Variants in CEP63 observed in about 807,000 individuals in gnomAD.
The protein encoded by CEP63 is centrosomal protein 63.
Under a neutral mutation model 89.1 loss-of-function variants are expected in CEP63, and 84 were observed. The ratio of observed to expected loss-of-function variants is 0.94; its 90% CI spans 0.79 to 1.13. The LOEUF (loss-of-function observed/expected upper bound fraction) is 1.13. Among genes scored for constraint, CEP63 ranks in the 50% most tolerant of loss-of-function variants. The probability of loss-of-function intolerance (pLI) is 0.00; values close to 1 mark genes in which losing one functional copy is unlikely to be tolerated. For synonymous variants in CEP63, 267 were observed against 272.5 expected (o/e 0.98, Z 0.20); for missense variants, 838 against 813.3 (o/e 1.03, Z -0.37).
intron 14 of CEP63, among the ~76,000 whole-genome samples, chr3:134,559,762 G>A (rs946909326): frequency 2.0e-5 from 3 of 152,210 alleles, no homozygotes; most frequent in African/African-American, 4.8e-5. Flanking sequence ...ATAGTCCTGA[G>A]GCACAGGCAG....
intron 10 of CEP63, among the ~76,000 whole-genome samples, chr3:134,584,778 G>A (rs1958442903): frequency 6.6e-6 from 1 of 152,034 alleles, no homozygotes; most frequent in Admixed American, 6.6e-5. Context: ...TGTACCTCTG[G>A]TTGAATTCGG....
chr3:134,613,249 G>A, the CEP63 span: 12 of 154,308 alleles, frequency 7.8e-5, no homozygotes, highest in South Asian at 4.1e-4. Flanking sequence ...GCCTCCAGGC[G>A]GTGGGGTAAA....
At chr3:134,739,282 GA>G in the CEP63 span, among the ~76,000 whole-genome samples, 1 of 152,136 alleles carries the variant, frequency 6.6e-6, no homozygotes, top group African/African-American at 2.4e-5. Flanking sequence ...GATATCTATA[GA>G]AAAAAGAATT....
chr3:134,767,874 T>C, the CEP63 span, among the ~76,000 whole-genome samples: 1 of 152,244 alleles, frequency 6.6e-6, no homozygotes, highest in Non-Finnish European at 1.5e-5. Flanking sequence ...GCAGCTATTC[T>C]AACCTAGCTA....
chr3:134,489,987 A>G (rs1230451641), intron 1 of CEP63, among the ~76,000 whole-genome samples: 1 of 152,150 alleles, frequency 6.6e-6, no homozygotes, highest in East Asian at 1.9e-4. Flanking sequence ...TAGCTTTGGT[A>G]ATTTCCTTGC....
the CEP63 span, chr3:134,641,375 C>CTGAAT: frequency 6.6e-6 from 1 of 152,154 alleles, no homozygotes; most frequent in African/African-American, 2.4e-5. Context: ...TGGCTGGGCT[C>CTGAAT]TGAATGCGAC....
At chr3:134,740,055 C>T in the CEP63 span, among the ~76,000 whole-genome samples, 2 of 152,122 alleles carry the variant, frequency 1.3e-5, no homozygotes, top group Non-Finnish European at 2.9e-5. Flanking sequence ...ATTGCTGTCT[C>T]CTGGGCTAGG....
At chr3:134,531,803 CA>C (rs1559958862) in intron 3 of CEP63, 41 bp from the exon 4 acceptor site, 1 of 1,340,170 alleles carries the variant, frequency 7.5e-7, no homozygotes, top group African/African-American at 1.4e-5. Flanking sequence ...GATGTTATTT[CA>C]ATGCTAATAG....
the CEP63 span, among the ~76,000 whole-genome samples, chr3:134,694,428 G>A: frequency 3.3e-4 from 50 of 152,178 alleles, no homozygotes; most frequent in Admixed American, 5.2e-4. Flanking sequence ...AAGTAAAAGA[G>A]CAGCCTGGAG....
rs761175662 is a variant in CEP63 at position 134,495,368 on chromosome 3, A to C, written c.44+4A>C. ...TACAAAATCGAGGGCATGGTGGGTA[A>C]GTTTGCTTTTTTTAAAATTAATTTT... On this transcript the variant is annotated splice_donor_region_variant and intron_variant, in intron 2 of 14. Coordinates refer to ENST00000675561, the MANE Select transcript of CEP63 (RefSeq NM_001353108.3). The C allele has an allele frequency of 6.8e-6, 11 of 1,608,584 alleles. No individual in the cohort carries two copies. Among genetic ancestry groups the C allele is most frequent in the Non-Finnish European group, 7.7e-6 (9 of 1,175,354 alleles).
At chr3:134,571,129 TAAG>T (rs1949811654) in intron 11 of CEP63, among the ~76,000 whole-genome samples, 1 of 152,212 alleles carries the variant, frequency 6.6e-6, no homozygotes, top group Non-Finnish European at 1.5e-5. Flanking sequence ...AAGTGTTTTT[TAAG>T]AATATGCCAA....
chr3:134,645,111 C>T, the CEP63 span, among the ~76,000 whole-genome samples: 1 of 152,224 alleles, frequency 6.6e-6, no homozygotes, highest in African/African-American at 2.4e-5. Context: ...ATTGGTTTCC[C>T]TTTAGCTGTG....
the CEP63 span, chr3:134,603,569 G>A: frequency 6.4e-7 from 1 of 1,561,350 alleles, no homozygotes; most frequent in Non-Finnish European, 8.7e-7. Flanking sequence ...GTAAGACCGG[G>A]GCACAGCCCT....
intron 4 of CEP63, among the ~76,000 whole-genome samples, 186 bp downstream of exon 4, chr3:134,532,126 T>G (rs1357310325): frequency 1.3e-5 from 2 of 152,258 alleles, no homozygotes; most frequent in Non-Finnish European, 2.9e-5. Context: ...AACTGTAGGT[T>G]TGATACTACC....
At chr3:134,634,774 A>G in the CEP63 span, among the ~76,000 whole-genome samples, 1 of 152,188 alleles carries the variant, frequency 6.6e-6, no homozygotes, top group Non-Finnish European at 1.5e-5. Context: ...CTTTTCCTAC[A>G]TGGGGTTTCT....
the CEP63 span, among the ~76,000 whole-genome samples, chr3:134,679,718 G>A: frequency 6.6e-6 from 1 of 152,052 alleles, no homozygotes; most frequent in Non-Finnish European, 1.5e-5. Context: ...CAACATGACT[G>A]GCAATTTTGT....
chr3:134,735,235 G>C, the CEP63 span, among the ~76,000 whole-genome samples: 21 of 152,014 alleles, frequency 1.4e-4, no homozygotes, highest in Admixed American at 1.4e-3. Flanking sequence ...TGTTACTTTA[G>C]CACTTTCTGG....
the CEP63 span, among the ~76,000 whole-genome samples, chr3:134,621,743 G>A: frequency 1.3e-5 from 2 of 152,162 alleles, no homozygotes; most frequent in South Asian, 2.1e-4. Flanking sequence ...AAAAATTTCT[G>A]TGCATTAAAG....
chr3:134,728,002 T>C, the CEP63 span, among the ~76,000 whole-genome samples: 1 of 151,986 alleles, frequency 6.6e-6, no homozygotes, highest in Non-Finnish European at 1.5e-5. Context: ...AATTTAAAAC[T>C]ATAAGGTATA....
Sources: gnomAD v4.1 joint callset for allele counts (sites outside exome capture counted in the v4.1 genomes callset) on GRCh38, gnomAD v4.1.1 for gene constraint, MANE v1.5 for transcripts, NCBI Gene and HGNC (gene_info 2026-07-23, HGNC 2026-07-21) for gene names.